The following LRP8 variants were observed in gnomAD, a reference collection of about 807,000 sequenced individuals.
LRP8 encodes LDL receptor related protein 8.
LRP8 carries 46 observed loss-of-function variants against 111.6 expected under a neutral mutation model. The observed-to-expected ratio is 0.41, with a 90% CI of 0.33 to 0.53. LRP8 has a LOEUF of 0.53. Ranked by LOEUF, LRP8 falls within the 20% of genes least tolerant of loss-of-function variation. The pLI, the probability that LRP8 is intolerant of heterozygous loss-of-function variation, is 0.20. For missense variants in LRP8, 959 were observed against 1,297.4 expected, an observed-to-expected ratio of 0.74 and a Z score of 4.01; for synonymous variants, 464 against 511.2, an observed-to-expected ratio of 0.91 and a Z score of 1.24.
chr1:53,279,632 G>A lies in LRP8; in HGVS notation c.496+955C>T, dbSNP rs898451878. ...CGACTCAGACACCTCTGGAGGAGAT[G>A]GCATTTTCCCTGGGCCAGGAAAGAT... On this transcript the variant is annotated intron_variant, in intron 4 of 18. Coordinates refer to ENST00000306052, the MANE Select transcript of LRP8 (RefSeq NM_004631.5). The surrounding 1 kb of genome is among the most constrained non-coding windows in gnomAD (Gnocchi z 4.4). Among the ~76,000 whole-genome samples the A allele has an allele frequency of 9.9e-5, 15 of 152,234 alleles. No individual in the cohort carries two copies. The highest frequency in any genetic ancestry group is 3.6e-4 in the African/African-American group (15 of 41,460).
intron 3 of LRP8, among the ~76,000 whole-genome samples, chr1:53,284,330 C>T (rs1647260011): frequency 6.6e-6 from 1 of 151,300 alleles, no homozygotes; most frequent in South Asian, 2.1e-4. Flanking sequence ...TACTGCACTA[C>T]AGCAGGGCAG....
intron 4 of LRP8, 43 bp downstream of exon 4, chr1:53,280,544 T>G (rs373772653): frequency 1.3e-6 from 2 of 1,599,684 alleles, no homozygotes; most frequent in African/African-American, 2.7e-5. Flanking sequence ...TGAGGCTGCC[T>G]GACCATGCTT....
At chr1:53,273,341 C>CACATGGG (rs1033988156) in intron 6 of LRP8, among the ~76,000 whole-genome samples, 1 of 152,204 alleles carries the variant, frequency 6.6e-6, no homozygotes, top group Non-Finnish European at 1.5e-5. Flanking sequence ...ATGTGCAGAG[C>CACATGGG]ACAAACAGTC....
rs1475496853 is a variant in LRP8 at position 53,242,441 on chromosome 1, A to G, written c.*4577T>C. Reference sequence around the variant, plus strand: ...AATGTCCACATTTGGTTTTCAGTTTACCAAGATGATGCCAGTATAGCTAGT... The same window carrying G: ...AATGTCCACATTTGGTTTTCAGTTTGCCAAGATGATGCCAGTATAGCTAGT... On this transcript the variant is annotated 3_prime_UTR_variant, in exon 19 of 19. Coordinates refer to ENST00000306052, the MANE Select transcript of LRP8 (RefSeq NM_004631.5). The G allele has an allele frequency of 6.6e-6, 1 of 152,184 alleles. No homozygotes were observed. The highest frequency in any genetic ancestry group is 6.5e-5 in the Admixed American group (1 of 15,282). 9.4% of individuals were successfully genotyped at this position (152,184 alleles called of 1,614,324 possible).
chr1:53,254,385 C>T (rs1646001061), intron 16 of LRP8, among the ~76,000 whole-genome samples: 1 of 151,790 alleles, frequency 6.6e-6, no homozygotes, highest in African/African-American at 2.4e-5. Context: ...TGTTCTTGAT[C>T]CTCCCTCACT....
At chr1:53,318,236 TCTG>T (rs1467539880) in intron 2 of LRP8, among the ~76,000 whole-genome samples, 39 of 150,748 alleles carry the variant, frequency 2.6e-4, no homozygotes, top group Admixed American at 1.9e-3. Context: ...TTTGTACTCT[TCTG>T]CTTTTTTTTT....
At chr1:53,272,946 A>C (rs1308631015) in intron 6 of LRP8, among the ~76,000 whole-genome samples, 1 of 152,210 alleles carries the variant, frequency 6.6e-6, no homozygotes, top group Non-Finnish European at 1.5e-5. Flanking sequence ...CACTTGATGA[A>C]GTGGCATGTG....
At chr1:53,252,589 A>G (rs1483780621) in intron 16 of LRP8, among the ~76,000 whole-genome samples, 1 of 152,194 alleles carries the variant, frequency 6.6e-6, no homozygotes, top group Non-Finnish European at 1.5e-5. Context: ...TACATTCGTA[A>G]TAGCCCATCA....
rs543920618 is a variant in LRP8, at chr1:53,247,820, T to A, written c.2854-764A>T. Among the ~76,000 whole-genome samples, 6 of 152,360 alleles carry A rather than the reference T, an allele frequency of 3.9e-5. No individual in the cohort carries two copies. In the South Asian group the frequency reaches 1.2e-3, roughly 32 times the overall value. Reference sequence around the variant, plus strand: ...TGAAATTTATAGATGGTGTTTGAATTCCCTTCCGTTCATTCTGAGTGTTTT... The same window carrying A: ...TGAAATTTATAGATGGTGTTTGAATACCCTTCCGTTCATTCTGAGTGTTTT... On this transcript the variant is annotated intron_variant, in intron 18 of 18. Transcript: ENST00000306052.
intron 2 of LRP8, among the ~76,000 whole-genome samples, chr1:53,313,844 G>A (rs79776869): frequency 0.025 from 3,855 of 152,328 alleles, 72 homozygotes; most frequent in Middle Eastern, 0.061. Context: ...GAAGCTGAGC[G>A]AGGAAAGGGT....
At position 53,242,858 on chromosome 1, in the gene LRP8, T is replaced by TATATATATATATATACAC. The variant is rs56722919; in HGVS notation, c.*4159_*4160insGTGTATATATATATATAT. 2.1e-5 allele frequency: 3 copies of TATATATATATATATACAC among 140,568 alleles called. No homozygotes were observed. The highest frequency in any genetic ancestry group is 3.1e-5 in the Non-Finnish European group (2 of 64,632). The allele number at this position is 140,568 out of a possible 1,614,324, so 8.7% of individuals were successfully genotyped here. A position where few individuals can be genotyped will look rare whatever the true frequency, so the allele number is the denominator to read the frequency against. ...TTAAATATATATATATATATATATA[T>TATATATATATATATACAC]ACACACACACACACGTGGCTTTTTA... On this transcript the variant is annotated 3_prime_UTR_variant, in exon 19 of 19. Coordinates refer to ENST00000306052, the MANE Select transcript of LRP8 (RefSeq NM_004631.5).
Position 53,255,032 on chromosome 1 carries a change from G to A in LRP8, c.2503+85C>T. The A allele has an allele frequency of 4.2e-6, 6 of 1,418,466 alleles. No individual in the cohort carries two copies. In the South Asian group the frequency reaches 6.9e-5, roughly 16 times the overall value. 87.9% of individuals were successfully genotyped at this position (1,418,466 alleles called of 1,614,324 possible). On this transcript the variant is annotated intron_variant, in intron 16 of 18. Transcript: ENST00000306052. The stretch of plus-strand genomic sequence containing the variant: ...AGGGCAGAACAAGTCAATAGGGCAG[G>A]CCAAGTTCTCTACCCTGCTAGCGCT...
rs1488872596 is a variant in LRP8 at position 53,303,788 on chromosome 1, C to T, written c.245-14099G>A. Among the ~76,000 whole-genome samples the T allele has an allele frequency of 5.3e-5, 8 of 152,356 alleles. No individual in the cohort carries two copies. Among genetic ancestry groups the T allele is most frequent in the African/African-American group, 1.7e-4 (7 of 41,576 alleles). On this transcript the variant is annotated intron_variant, in intron 2 of 18. Coordinates refer to ENST00000306052, the MANE Select transcript of LRP8 (RefSeq NM_004631.5). The surrounding 1 kb of genome is among the most constrained non-coding windows in gnomAD (Gnocchi z 4.3). The stretch of plus-strand genomic sequence containing the variant: ...CAGTGCTGGAATCCTCTGTTCCCAC[C>T]GCTGACATATGGCCATTCGCCCTCT...
rs770741089 is a variant in LRP8 at position 53,260,446 on chromosome 1, G to A, written c.2056+18C>T. On this transcript the variant is annotated intron_variant, in intron 13 of 18. Transcript: ENST00000306052. ...ACACAGTCAGGGGACCTGGGACCTA[G>A]GACCAGAGACAGCTCACCTCTTGGC... The A allele has an allele frequency of 4.3e-6, 7 of 1,613,154 alleles. No homozygotes were observed. Among genetic ancestry groups the A allele is most frequent in the Non-Finnish European group, 5.9e-6 (7 of 1,179,552 alleles).
At chr1:53,288,623 G>A (rs570061020) in intron 3 of LRP8, among the ~76,000 whole-genome samples, 1 of 152,212 alleles carries the variant, frequency 6.6e-6, no homozygotes, top group African/African-American at 2.4e-5. Context: ...ACCAGCCACG[G>A]CGTTAGATGG....
In LRP8 at chr1:53,246,885, T is replaced by TA. The variant is rs151335060; in HGVS notation, c.*132dup. The TA allele has an allele frequency of 3.5e-3, 2,492 of 702,742 alleles. 5 individuals carry two copies. Among genetic ancestry groups the TA allele is most frequent in the Non-Finnish European group, 4.5e-3 (1,965 of 439,378 alleles). The allele number at this position is 702,742 out of a possible 1,614,324, so 43.5% of individuals were successfully genotyped here. On this transcript the variant is annotated 3_prime_UTR_variant, in exon 19 of 19. Transcript: ENST00000306052. Reference sequence around the variant, plus strand: ...TGGTTACCTTTCCGCAACATAAATTTAAAAAAAAAATCACACACACACATA... The same window carrying TA: ...TGGTTACCTTTCCGCAACATAAATTTAAAAAAAAAAATCACACACACACATA...
Position 53,292,158 on chromosome 1 carries a change from G to A in LRP8, c.245-2469C>T, listed in dbSNP as rs149803791. ...CCCCTCCTCTGGGGAGCCTGGCAAG[G>A]ATTTGGTGAGAGAGACTGTGTCTCT... On this transcript the variant is annotated intron_variant, in intron 2 of 18. Transcript: ENST00000306052. The A allele has an allele frequency of 3.3e-3, 507 of 152,344 alleles. 4 individuals carry two copies. The highest frequency in any genetic ancestry group is 0.012 in the African/African-American group (491 of 41,570). The allele number at this position is 152,344 out of a possible 1,614,324, so 9.4% of individuals were successfully genotyped here.
chr1:53,260,972 G>A (rs1175184835), intron 12 of LRP8, among the ~76,000 whole-genome samples: 3 of 152,162 alleles, frequency 2.0e-5, no homozygotes, highest in Non-Finnish European at 4.4e-5. Context: ...TGAGGGTTAT[G>A]CCTTGCTGGG....
intron 2 of LRP8, among the ~76,000 whole-genome samples, chr1:53,295,260 C>T (rs957162536): frequency 6.6e-6 from 1 of 152,144 alleles, no homozygotes; most frequent in Non-Finnish European, 1.5e-5. Context: ...CAGGGAAGAG[C>T]ATTCCAGGAG....
Sources: allele counts gnomAD v4.1 joint callset (sites outside exome capture counted in the v4.1 genomes callset), GRCh38; gene constraint gnomAD v4.1.1; non-coding constraint Gnocchi (gnomAD v3.1); transcripts MANE v1.5; gene names NCBI Gene and HGNC (gene_info 2026-07-23, HGNC 2026-07-21).